The following DCC variants were observed in gnomAD, a reference collection of about 807,000 sequenced individuals.
DCC encodes netrin receptor DCC.
A neutral mutation model predicts 172.5 loss-of-function variants in DCC; 58 were observed. The ratio of observed to expected loss-of-function variants is 0.34; its 90% CI spans 0.27 to 0.42. The LOEUF (loss-of-function observed/expected upper bound fraction) is 0.42, where lower values mean the gene tolerates loss of function less well. Among genes scored for constraint, DCC ranks in the 10% least tolerant of loss-of-function variants. DCC has a pLI of 1.00. For missense variants in DCC, 1,740 were observed against 1,791.0 expected, an observed-to-expected ratio of 0.97 and a Z score of 0.51; for synonymous variants, 709 against 644.5, an observed-to-expected ratio of 1.10 and a Z score of -1.52.
chr18:52,809,829 A>G (rs1053289282), intron 2 of DCC, among the ~76,000 whole-genome samples: 2 of 152,264 alleles, frequency 1.3e-5, no homozygotes, highest in African/African-American at 2.4e-5. Context: ...TATCTCAATC[A>G]TTGTCCCTCC....
chr18:52,977,286 T>C (rs2041134213), intron 5 of DCC, among the ~76,000 whole-genome samples: 2 of 152,196 alleles, frequency 1.3e-5, no homozygotes. Context: ...CAGTCCTAGC[T>C]ATCCATTAGA....
At chr18:52,535,372 A>G (rs2032259485) in intron 1 of DCC, among the ~76,000 whole-genome samples, 1 of 152,182 alleles carries the variant, frequency 6.6e-6, no homozygotes. Context: ...GCCAAACTGA[A>G]CGTGAGAGAA....
intron 3 of DCC, among the ~76,000 whole-genome samples, chr18:52,918,134 A>G (rs2040068139): frequency 1.3e-5 from 2 of 152,176 alleles, no homozygotes; most frequent in Admixed American, 1.3e-4. Context: ...AAAATGGAAA[A>G]TGACCATGTA....
At chr18:52,814,690 CTATT>C (rs1232301284) in intron 2 of DCC, among the ~76,000 whole-genome samples, 12 of 152,236 alleles carry the variant, frequency 7.9e-5, no homozygotes, top group African/African-American at 7.2e-5. Context: ...GAAATATAAA[CTATT>C]TAATTAGAAT....
At chr18:52,795,590 T>C (rs1476335561) in intron 2 of DCC, among the ~76,000 whole-genome samples, 1 of 151,958 alleles carries the variant, frequency 6.6e-6, no homozygotes, top group African/African-American at 2.4e-5. Flanking sequence ...TGTTTTTCAT[T>C]TAGTCTGTTT....
chr18:52,942,910 G>T (rs1206871906), intron 5 of DCC, among the ~76,000 whole-genome samples: 2 of 151,938 alleles, frequency 1.3e-5, no homozygotes, highest in South Asian at 2.1e-4. Flanking sequence ...AAGCAAACAG[G>T]GTCTGGCTTT....
At position 53,486,778 on chromosome 18, in the gene DCC, T is replaced by C. The variant is rs2045905191; in HGVS notation, c.3737-19T>C. 1.9e-6 allele frequency: 3 copies of C among 1,613,974 alleles called. No homozygotes were observed. Among genetic ancestry groups the C allele is most frequent in the Non-Finnish European group, 2.5e-6 (3 of 1,180,022 alleles). On this transcript the variant is annotated intron_variant, in intron 25 of 28. Transcript: ENST00000442544. ...AATACATAAGGTTCAAAAAACCCAT[T>C]AACCTTTTTCTTTTGCAGCTGTCGT... is the stretch of plus-strand genomic sequence containing the variant.
At chr18:52,349,344 C>T (rs980489535) in intron 1 of DCC, among the ~76,000 whole-genome samples, 5 of 152,194 alleles carry the variant, frequency 3.3e-5, no homozygotes, top group Non-Finnish European at 7.3e-5. Flanking sequence ...AAGGCTGAGA[C>T]ATCTAAGCAA....
At chr18:52,713,543 C>T (rs926403545) in intron 1 of DCC, among the ~76,000 whole-genome samples, 1 of 152,136 alleles carries the variant, frequency 6.6e-6, no homozygotes, top group African/African-American at 2.4e-5. Context: ...ATGAGGAAGG[C>T]GTGAGATACA....
intron 19 of DCC, among the ~76,000 whole-genome samples, chr18:53,405,190 TAA>T (rs367591898): frequency 6.5e-5 from 9 of 139,086 alleles, no homozygotes; most frequent in Admixed American, 2.2e-4. Flanking sequence ...TAATAAAAAG[TAA>T]AAAAAAAAAA....
chr18:53,095,788 A>G (rs906791094), intron 7 of DCC, among the ~76,000 whole-genome samples: 5 of 117,712 alleles, frequency 4.2e-5, no homozygotes, highest in African/African-American at 7.3e-5. Context: ...TGGGATATGG[A>G]TATCTTTTTT....
chr18:52,404,186 C>A (rs1178751944), intron 1 of DCC, among the ~76,000 whole-genome samples: 1 of 151,988 alleles, frequency 6.6e-6, no homozygotes, highest in Non-Finnish European at 1.5e-5. Context: ...TTTCCCTGAA[C>A]TCTAGAGACA....
chr18:53,429,265 T>TTTTTTCACCTATCATTTGCCAGA (rs1911448905), intron 21 of DCC, among the ~76,000 whole-genome samples: 2 of 147,214 alleles, frequency 1.4e-5, no homozygotes, highest in South Asian at 2.1e-4. Flanking sequence ...TAGAAGATGG[T>TTTTTTCACCTATCATTTGCCAGA]CTCTGCAAGA....
At chr18:52,693,665 G>T (rs149332002) in intron 1 of DCC, among the ~76,000 whole-genome samples, 3,061 of 151,878 alleles carry the variant, frequency 0.02, 49 homozygotes, top group Non-Finnish European at 0.03. Context: ...CTAAAACTGG[G>T]TTAGAGAAAG....
At chr18:53,308,288 A>T (rs1017238942) in intron 13 of DCC, among the ~76,000 whole-genome samples, 34 of 152,036 alleles carry the variant, frequency 2.2e-4, no homozygotes, top group African/African-American at 8.2e-4. Flanking sequence ...CAAATACCCC[A>T]GTTTTAAGTC....
At chr18:52,623,134 C>CT (rs1315666611) in intron 1 of DCC, among the ~76,000 whole-genome samples, 1 of 152,122 alleles carries the variant, frequency 6.6e-6, no homozygotes, top group Non-Finnish European at 1.5e-5. Flanking sequence ...TTGCCTCTGG[C>CT]TGCAGCGGCA....
chr18:53,146,158 T>A (rs1047064670), intron 7 of DCC, among the ~76,000 whole-genome samples: 1 of 152,052 alleles, frequency 6.6e-6, no homozygotes, highest in African/African-American at 2.4e-5. Context: ...GAGGCAGAGG[T>A]TGCAGTGAGC....
intron 5 of DCC, among the ~76,000 whole-genome samples, chr18:53,050,880 C>T (rs1193142243): frequency 6.6e-6 from 1 of 152,074 alleles, no homozygotes; most frequent in Non-Finnish European, 1.5e-5. Context: ...ACTTGCATAA[C>T]CATTGAACAC....
intron 2 of DCC, among the ~76,000 whole-genome samples, chr18:52,875,204 A>G (rs897216303): frequency 2.7e-5 from 4 of 150,038 alleles, no homozygotes; most frequent in Non-Finnish European, 5.9e-5. Context: ...TATAATAAAC[A>G]AAGTTAAAAC....
Sources: gnomAD v4.1 joint callset for allele counts (sites outside exome capture counted in the v4.1 genomes callset) on GRCh38, gnomAD v4.1.1 for gene constraint, MANE v1.5 for transcripts, NCBI Gene and HGNC (gene_info 2026-07-23, HGNC 2026-07-21) for gene names.